Variants in GPC6 observed in about 807,000 individuals in gnomAD.
GPC6 encodes glypican 6.
In GPC6, 14 loss-of-function variants were observed where a neutral mutation model predicts 55.2. That is an observed-to-expected ratio of 0.25 (90% CI 0.17 to 0.40). The LOEUF is 0.40. GPC6 is among the 10% of genes least tolerant of loss of function. GPC6 has a pLI of 1.00. For missense variants in GPC6, 641 were observed against 708.5 expected, an observed-to-expected ratio of 0.90 and a Z score of 1.08; for synonymous variants, 278 against 259.6, an observed-to-expected ratio of 1.07 and a Z score of -0.68.
intron 4 of GPC6, among the ~76,000 whole-genome samples, chr13:94,085,799 TTC>T (rs2138804094): frequency 6.6e-6 from 1 of 152,304 alleles, no homozygotes; most frequent in East Asian, 1.9e-4. Context: ...TCCAGTGCCC[TTC>T]TTACTATATA....
Position 93,237,948 on chromosome 13 carries a change from A to T in GPC6, c.160+10332A>T, listed in dbSNP as rs149515011. Among the ~76,000 whole-genome samples, 8 of 152,272 alleles carry T rather than the reference A, an allele frequency of 5.3e-5. No homozygotes were observed. The East Asian group carries it at 1.5e-3, about 29-fold the overall frequency. The stretch of plus-strand genomic sequence containing the variant: ...ATGTGTCTATTTTTACACTATTACC[A>T]TGCTATTTGGGCTACTATAGCATTG... On this transcript the variant is annotated intron_variant, in intron 1 of 8. Transcript: ENST00000377047.
intron 4 of GPC6, among the ~76,000 whole-genome samples, chr13:94,282,063 G>A (rs969348447): frequency 6.6e-6 from 1 of 152,172 alleles, no homozygotes; most frequent in Non-Finnish European, 1.5e-5. Context: ...TCATTTGGCT[G>A]TTCCAGTTTG....
intron 2 of GPC6, among the ~76,000 whole-genome samples, chr13:93,593,993 A>G (rs1386976107): frequency 6.6e-6 from 1 of 152,150 alleles, no homozygotes. Context: ...AGTGGAAAAT[A>G]TATATGGGTT....
At chr13:93,488,153 T>C (rs948246740) in intron 1 of GPC6, among the ~76,000 whole-genome samples, 1 of 152,110 alleles carries the variant, frequency 6.6e-6, no homozygotes, top group African/African-American at 2.4e-5. Context: ...CGGTGTGTGA[T>C]GTTCCCCTTC....
At chr13:94,112,974 A>G (rs1352986018) in intron 4 of GPC6, among the ~76,000 whole-genome samples, 1 of 152,038 alleles carries the variant, frequency 6.6e-6, no homozygotes, top group African/African-American at 2.4e-5. Flanking sequence ...TTAGTTACCC[A>G]CACTCACAGA....
chr13:93,487,574 A>C (rs1487955096), intron 1 of GPC6, among the ~76,000 whole-genome samples: 1 of 152,212 alleles, frequency 6.6e-6, no homozygotes, highest in African/African-American at 2.4e-5. Flanking sequence ...AAGACACAGA[A>C]AGTTGAAAAA....
Position 93,589,495 on chromosome 13 carries a change from T to G in GPC6, c.319+44074T>G, listed in dbSNP as rs2139504539. Among the ~76,000 whole-genome samples the G allele has an allele frequency of 1.3e-5, 2 of 152,332 alleles. 1 individual carries two copies. The highest frequency in any genetic ancestry group is 4.1e-4 in the South Asian group (2 of 4,828). ...TCCATTAAATAATTTTAATCCATGC[T>G]CAAATCACAGGAAATCATTGTACGT... On this transcript the variant is annotated intron_variant, in intron 2 of 8. Transcript: ENST00000377047.
chr13:94,342,657 G>A (rs1024173353), intron 6 of GPC6, among the ~76,000 whole-genome samples: 2 of 152,150 alleles, frequency 1.3e-5, no homozygotes, highest in Non-Finnish European at 2.9e-5. Context: ...GAAACTACAC[G>A]TGCGCAAAGC....
chr13:94,359,570 T>G (rs1451506430), intron 6 of GPC6, among the ~76,000 whole-genome samples: 1 of 152,138 alleles, frequency 6.6e-6, no homozygotes, highest in Non-Finnish European at 1.5e-5. Flanking sequence ...ATAAGGCTCG[T>G]CAAAGAAGTA....
chr13:93,592,688 A>G (rs1436141979), intron 2 of GPC6, among the ~76,000 whole-genome samples: 1 of 151,884 alleles, frequency 6.6e-6, no homozygotes, highest in Non-Finnish European at 1.5e-5. Context: ...TTCAAACTAA[A>G]TGCCTATTAA....
At chr13:93,677,082 AAGG>A (rs1299489683) in intron 2 of GPC6, among the ~76,000 whole-genome samples, 1 of 152,312 alleles carries the variant, frequency 6.6e-6, no homozygotes, top group Middle Eastern at 3.4e-3. Flanking sequence ...GAGATGTAAG[AAGG>A]AGAAGTTCAG....
Position 93,532,866 on chromosome 13 carries a change from G to T in GPC6, c.161-12397G>T, listed in dbSNP as rs578111163. ...ATTAGCTAATTGGTCCCATTTAAAGGAGCTATTTTTTGCAGAGTGAAAATT... is the reference window on the plus strand; with the variant it reads ...ATTAGCTAATTGGTCCCATTTAAAGTAGCTATTTTTTGCAGAGTGAAAATT... On this transcript the variant is annotated intron_variant, in intron 1 of 8. Coordinates refer to ENST00000377047, the MANE Select transcript of GPC6 (RefSeq NM_005708.5). Among the ~76,000 whole-genome samples the T allele has an allele frequency of 2.1e-5, 3 of 146,134 alleles. No homozygotes were observed. The East Asian group carries it at 6.4e-4, about 31-fold the overall frequency.
intron 4 of GPC6, among the ~76,000 whole-genome samples, chr13:94,163,541 A>T (rs1335565783): frequency 6.6e-6 from 1 of 152,210 alleles, no homozygotes; most frequent in Admixed American, 6.5e-5. Flanking sequence ...TTCAAATTTT[A>T]TGGGAGGTAT....
At chr13:94,232,253 A>C (rs1274573842) in intron 4 of GPC6, among the ~76,000 whole-genome samples, 3 of 152,198 alleles carry the variant, frequency 2.0e-5, no homozygotes, top group Non-Finnish European at 4.4e-5. Flanking sequence ...ACAAGGACTA[A>C]TGGTACTCCA....
At chr13:94,358,318 A>G (rs1486645902) in intron 6 of GPC6, among the ~76,000 whole-genome samples, 1 of 151,992 alleles carries the variant, frequency 6.6e-6, no homozygotes, top group African/African-American at 2.4e-5. Context: ...GGAAAAAAAG[A>G]AAAAGGACCA....
At chr13:94,128,092 T>A (rs757031669) in intron 4 of GPC6, among the ~76,000 whole-genome samples, 4 of 152,182 alleles carry the variant, frequency 2.6e-5, no homozygotes, top group Admixed American at 6.6e-5. Context: ...CAGCACTTAA[T>A]TCTCAAATAT....
intron 2 of GPC6, among the ~76,000 whole-genome samples, chr13:93,636,275 C>T (rs758834067): frequency 8.6e-5 from 13 of 151,934 alleles, no homozygotes; most frequent in African/African-American, 1.2e-4. Flanking sequence ...TTTAATCCAC[C>T]GATGGTCAAA....
At chr13:94,075,286 C>T (rs537863026) in intron 4 of GPC6, among the ~76,000 whole-genome samples, 4 of 152,200 alleles carry the variant, frequency 2.6e-5, no homozygotes, top group South Asian at 2.1e-4. Context: ...AAACACTGCA[C>T]GTTTAATGAA....
chr13:94,175,133 A>T (rs1888700941), intron 4 of GPC6, among the ~76,000 whole-genome samples: 1 of 152,096 alleles, frequency 6.6e-6, no homozygotes, highest in Non-Finnish European at 1.5e-5. Context: ...TTCACTCAAC[A>T]TCATATCCAT....
Sources: allele counts gnomAD v4.1 joint callset (sites outside exome capture counted in the v4.1 genomes callset), GRCh38; gene constraint gnomAD v4.1.1; transcripts MANE v1.5; gene names NCBI Gene and HGNC (gene_info 2026-07-23, HGNC 2026-07-21).